Variants in DOCK9 observed in about 807,000 individuals in gnomAD.
The protein encoded by DOCK9 is dedicator of cytokinesis protein 9.
A neutral mutation model predicts 263.3 loss-of-function variants in DOCK9; 89 were observed. The observed-to-expected ratio is 0.34, with a 90% CI of 0.28 to 0.40. DOCK9 has a LOEUF of 0.40. DOCK9 is among the 10% of genes least tolerant of loss of function. DOCK9 has a pLI of 1.00. For synonymous variants in DOCK9, 976 were observed against 973.1 expected (o/e 1.00, Z -0.06); for missense variants, 2,140 against 2,603.4 (o/e 0.82, Z 3.87).
intron 1 of DOCK9, among the ~76,000 whole-genome samples, chr13:99,031,848 A>T (rs1887379300): frequency 6.6e-6 from 1 of 152,214 alleles, no homozygotes; most frequent in Non-Finnish European, 1.5e-5. Context: ...AGTAAATTCA[A>T]GGGCTGATGT....
At chr13:99,017,359 T>A (rs910087480) in intron 1 of DOCK9, among the ~76,000 whole-genome samples, 31 of 152,268 alleles carry the variant, frequency 2.0e-4, no homozygotes, top group African/African-American at 7.2e-4. Flanking sequence ...AATCTACCAA[T>A]TAACCTGACT....
intron 1 of DOCK9, among the ~76,000 whole-genome samples, chr13:99,001,057 A>G (rs1205295857): frequency 6.6e-6 from 1 of 152,258 alleles, no homozygotes; most frequent in Non-Finnish European, 1.5e-5. Context: ...TGGTGGCGTC[A>G]GCACTTACCT....
At chr13:98,816,233 A>G (rs1037023275) in intron 45 of DOCK9, among the ~76,000 whole-genome samples, 11 of 152,194 alleles carry the variant, frequency 7.2e-5, no homozygotes, top group African/African-American at 2.2e-4. Context: ...GCTATGTGTC[A>G]TGAATGAAAT....
In DOCK9 at chr13:99,086,179, C is replaced by T. The variant is rs375733690; in HGVS notation, c.129+44G>A. ...CCGGCCCGGGGCCCGCAGCTGCCTG[C>T]GCCCCCGCCATCCTCCCCCGGCCCG... On this transcript the variant is annotated intron_variant, in intron 1 of 32. Transcript: ENST00000427887. The T allele has an allele frequency of 6.3e-3, 9,093 of 1,453,872 alleles. 44 individuals are homozygous for T. Among genetic ancestry groups the T allele is most frequent in the Non-Finnish European group, 7.4e-3 (8,154 of 1,109,226 alleles). 90.1% of individuals were successfully genotyped at this position (1,453,872 alleles called of 1,614,324 possible). A position where few individuals can be genotyped will look rare whatever the true frequency, so the allele number is the denominator to read the frequency against.
Position 98,915,309 on chromosome 13 carries a change from G to C in DOCK9, c.892+20C>G. On this transcript the variant is annotated intron_variant, in intron 8 of 52. Transcript: ENST00000682017. ...ACCCACAGAGTGTGTATGTGCCTGG[G>C]GGAAGCCAAGCCTATCTACCTTCGT... 3 of 1,609,876 alleles carry C rather than the reference G, an allele frequency of 1.9e-6. No individual in the cohort carries two copies. The highest frequency in any genetic ancestry group is 2.2e-5 in the East Asian group (1 of 44,864).
intron 5 of DOCK9, among the ~76,000 whole-genome samples, chr13:98,922,930 T>C (rs943576382): frequency 3.1e-4 from 47 of 152,330 alleles, no homozygotes; most frequent in Admixed American, 8.5e-4. Flanking sequence ...AAAGCAATCA[T>C]TGAAGAAATA....
intron 1 of DOCK9, among the ~76,000 whole-genome samples, chr13:99,029,266 C>T (rs1205785553): frequency 2.6e-5 from 4 of 152,176 alleles, no homozygotes; most frequent in Admixed American, 6.5e-5. Flanking sequence ...TGTGGGGCCT[C>T]TCCTCTAAGC....
At chr13:99,012,724 T>C (rs552253164) in intron 1 of DOCK9, among the ~76,000 whole-genome samples, 1 of 152,162 alleles carries the variant, frequency 6.6e-6, no homozygotes, top group Non-Finnish European at 1.5e-5. Flanking sequence ...CAATTGTCAG[T>C]CATTACCACT....
chr13:98,992,370 C>T (rs1880015349), intron 1 of DOCK9, among the ~76,000 whole-genome samples: 1 of 152,162 alleles, frequency 6.6e-6, no homozygotes, highest in Non-Finnish European at 1.5e-5. Context: ...TCCGATCTCC[C>T]CCAGGCCCTC....
At chr13:98,981,029 T>C (rs1330186366), upstream of DOCK9, among the ~76,000 whole-genome samples, 2 of 151,886 alleles carry the variant, frequency 1.3e-5, no homozygotes, top group Admixed American at 1.3e-4. Context: ...GGAGAAAATA[T>C]ATCAAGTTGT....
chr13:99,018,047 C>T (rs763503140), intron 1 of DOCK9, among the ~76,000 whole-genome samples: 64 of 152,026 alleles, frequency 4.2e-4, no homozygotes, highest in Non-Finnish European at 7.2e-4. Flanking sequence ...AAAGTAAAAG[C>T]TAAATTTTAA....
intron 2 of DOCK9, among the ~76,000 whole-genome samples, chr13:98,932,780 T>C (rs1424129156): frequency 2.6e-5 from 4 of 152,214 alleles, no homozygotes; most frequent in Non-Finnish European, 4.4e-5. Context: ...CTCCCCATTC[T>C]AAAGGAGTGG....
intron 38 of DOCK9, among the ~76,000 whole-genome samples, chr13:98,839,271 G>A (rs556476223): frequency 3.3e-5 from 5 of 152,254 alleles, no homozygotes; most frequent in East Asian, 1.9e-4. Context: ...TTTGGGGTAC[G>A]AAATCTCCCA....
intron 15 of DOCK9, among the ~76,000 whole-genome samples, chr13:98,892,330 C>G (rs2139104182): frequency 6.6e-6 from 1 of 152,144 alleles, no homozygotes; most frequent in East Asian, 1.9e-4. Flanking sequence ...ATTTGGGGTC[C>G]TTATCTAAGT....
chr13:99,020,880 C>T (rs61968919), intron 1 of DOCK9, among the ~76,000 whole-genome samples: 13,379 of 152,260 alleles, frequency 0.088, 694 homozygotes, highest in Middle Eastern at 0.13. Flanking sequence ...ATACCTCATA[C>T]ATGATACAGC....
chr13:98,805,317 A>G lies in DOCK9; in HGVS notation c.5515-108T>C, dbSNP rs1022702669. 5 of 983,570 alleles carry G rather than the reference A, an allele frequency of 5.1e-6. No individual in the cohort carries two copies. The African/African-American group carries it at 6.4e-5, about 13-fold the overall frequency. The allele number at this position is 983,570 out of a possible 1,614,324, so 60.9% of individuals were successfully genotyped here. On this transcript the variant is annotated intron_variant, in intron 48 of 52. Transcript: ENST00000682017. ...TTTATTTGTAAATATAACGGAGAGAAGAGTACAACAAACATCCACATATCC... is the reference window on the plus strand; with the variant it reads ...TTTATTTGTAAATATAACGGAGAGAGGAGTACAACAAACATCCACATATCC...
chr13:98,998,958 G>A (rs1881666563), intron 1 of DOCK9, among the ~76,000 whole-genome samples: 1 of 152,162 alleles, frequency 6.6e-6, no homozygotes, highest in African/African-American at 2.4e-5. Context: ...CCTTGGGGCT[G>A]GAGAAAGGGA....
chr13:98,947,678 G>A (rs1464520958), intron 2 of DOCK9, among the ~76,000 whole-genome samples: 3 of 151,984 alleles, frequency 2.0e-5, no homozygotes, highest in African/African-American at 7.3e-5. Context: ...GATAATTTTT[G>A]TATTTTTGGT....
chr13:99,061,707 G>A (rs1244211004), intron 1 of DOCK9, among the ~76,000 whole-genome samples: 2 of 151,912 alleles, frequency 1.3e-5, no homozygotes, highest in East Asian at 1.9e-4. Flanking sequence ...GCTCCCAGGC[G>A]ACCTTCCTTT....
Sources: allele counts gnomAD v4.1 joint callset (sites outside exome capture counted in the v4.1 genomes callset), GRCh38; gene constraint gnomAD v4.1.1; transcripts MANE v1.5; gene names NCBI Gene and HGNC (gene_info 2026-07-23, HGNC 2026-07-21).